The following CLBA1 variants were observed in gnomAD, a reference collection of about 807,000 sequenced individuals.
CLBA1 encodes uncharacterized protein CLBA1.
A neutral mutation model predicts 28.8 loss-of-function variants in CLBA1; 30 were observed. The observed-to-expected ratio is 1.04, with a 90% CI of 0.78 to 1.41. The LOEUF (loss-of-function observed/expected upper bound fraction) is 1.41, where lower values mean the gene tolerates loss of function less well. CLBA1 is among the 40% of genes most tolerant of loss of function. The pLI is 0.00. For missense variants in CLBA1, 451 were observed against 412.3 expected (o/e 1.09, Z -0.81); for synonymous variants, 160 against 152.8 (o/e 1.05, Z -0.35).
chr14:104,989,434 C>G lies in CLBA1; in HGVS notation c.569+346C>G, dbSNP rs888461673. Reference sequence around the variant, plus strand: ...TGGGCCTGGGCAGTGGGCACAGGGGCCTTCTGGGGGACTTGGCTGAGTGGG... The same window carrying G: ...TGGGCCTGGGCAGTGGGCACAGGGGGCTTCTGGGGGACTTGGCTGAGTGGG... On this transcript the variant is annotated intron_variant, in intron 2 of 4. Coordinates refer to ENST00000547315, the MANE Select transcript of CLBA1 (RefSeq NM_174891.4). 4 of 393,646 alleles carry G rather than the reference C, an allele frequency of 1.0e-5. No individual in the cohort carries two copies. The Admixed American group carries it at 1.2e-4, about 12-fold the overall frequency. The allele number at this position is 393,646 out of a possible 1,614,324, so 24.4% of individuals were successfully genotyped here.
At chr14:104,998,214 C>T (rs1900189227), downstream of CLBA1, among the ~76,000 whole-genome samples, 1 of 151,344 alleles carries the variant, frequency 6.6e-6, no homozygotes, top group African/African-American at 2.4e-5. Context: ...TGAGACCAGG[C>T]TGGGCAACAT....
Position 104,995,197 on chromosome 14 carries a change from T to G in CLBA1, c.*438T>G, listed in dbSNP as rs1900135825. On this transcript the variant is annotated 3_prime_UTR_variant, in exon 5 of 5. Transcript: ENST00000547315. Reference sequence around the variant, plus strand: ...CCAGAGAGACAGCTGTTGAGACCGCTCAGAAACCCTCTGTCTGTCACACTC... The same window carrying G: ...CCAGAGAGACAGCTGTTGAGACCGCGCAGAAACCCTCTGTCTGTCACACTC... 2 of 987,216 alleles carry G rather than the reference T, an allele frequency of 2.0e-6. No homozygotes were observed. Among genetic ancestry groups the G allele is most frequent in the Non-Finnish European group, 2.4e-6 (2 of 831,406 alleles). 61.2% of individuals were successfully genotyped at this position (987,216 alleles called of 1,614,324 possible).
Position 104,994,641 on chromosome 14 carries a change from G to T in CLBA1, c.860G>T (p.Cys287Phe), listed in dbSNP as rs773565948. ...PGSKQGRLMT[C>F]SRFLKTPSCG... ...AGCAAACAGGGGAGGCTGATGACAT[G>T]CAGCCGCTTCCTGAAGACCCCCTCA... The change falls in exon 5 of 5, where the codon TGC (cysteine) becomes TTC (phenylalanine). Residue 287 changes from cysteine to phenylalanine, a missense_variant. Physicochemically the swap from Cys to Phe is radical, Grantham distance 205. Transcript: ENST00000547315. 3 of 1,613,446 alleles carry T rather than the reference G, an allele frequency of 1.9e-6. No individual in the cohort carries two copies. Among genetic ancestry groups the T allele is most frequent in the Non-Finnish European group, 2.5e-6 (3 of 1,179,954 alleles).
downstream of CLBA1, among the ~76,000 whole-genome samples, chr14:104,997,055 A>G (rs1900168879): frequency 6.6e-6 from 1 of 152,254 alleles, no homozygotes; most frequent in African/African-American, 2.4e-5. Flanking sequence ...CAGTAGAAGC[A>G]GAGTCAGCCC....
chr14:104,991,332 C>T (rs1044034200), intron 2 of CLBA1, 159 bp from the exon 3 acceptor site: 21 of 778,634 alleles, frequency 2.7e-5, no homozygotes, highest in Non-Finnish European at 3.9e-5. Context: ...CCCGGGAACA[C>T]TGTTTTTAGA....
chr14:104,997,135 G>C (rs370763690), downstream of CLBA1, among the ~76,000 whole-genome samples: 13 of 152,174 alleles, frequency 8.5e-5, no homozygotes, highest in African/African-American at 3.1e-4. Context: ...TGGAAATGGC[G>C]GGTGACATTC....
intron 2 of CLBA1, 23 bp from the exon 3 acceptor site, chr14:104,991,468 T>C: frequency 6.2e-7 from 1 of 1,613,200 alleles, no homozygotes; most frequent in East Asian, 2.2e-5. Flanking sequence ...GGTCACCTTT[T>C]AACAAGTGCA....
intron 1 of CLBA1, among the ~76,000 whole-genome samples, chr14:104,987,637 T>TTTTTTG (rs1327414333): frequency 8.3e-6 from 1 of 120,482 alleles, no homozygotes; most frequent in South Asian, 2.7e-4. Flanking sequence ...TTTTTTTTTT[T>TTTTTTG]GAGACAGCCT....
At chr14:104,993,829 G>A in intron 4 of CLBA1, 1 of 985,478 alleles carries the variant, frequency 1.0e-6, no homozygotes, top group Non-Finnish European at 1.2e-6. Context: ...GGGCGGCTGT[G>A]AGCATGAAGA....
chr14:104,987,854 C>G (rs1417515236), intron 1 of CLBA1, among the ~76,000 whole-genome samples: 2 of 151,242 alleles, frequency 1.3e-5, no homozygotes, highest in Non-Finnish European at 2.9e-5. Flanking sequence ...CCAGGCTGGT[C>G]TTGAACTCCT....
chr14:104,989,852 GC>G, intron 2 of CLBA1: 1 of 394,166 alleles, frequency 2.5e-6, no homozygotes, highest in Non-Finnish European at 5.2e-6. Flanking sequence ...GTGTCTCTGA[GC>G]AGGCCTGGAC....
chr14:104,997,325 CAG>C (rs986466845), downstream of CLBA1, among the ~76,000 whole-genome samples: 2 of 152,134 alleles, frequency 1.3e-5, no homozygotes, highest in Non-Finnish European at 2.9e-5. Context: ...GATCCAAACA[CAG>C]AGAGGGGAGG....
chr14:104,996,519 G>A (rs778157879), downstream of CLBA1, among the ~76,000 whole-genome samples: 4 of 152,210 alleles, frequency 2.6e-5, no homozygotes, highest in Non-Finnish European at 5.9e-5. Flanking sequence ...CAGATATGCT[G>A]GGATTTTTGT....
chr14:104,992,801 A>C, intron 3 of CLBA1, 147 bp from the exon 4 acceptor site: 1 of 777,784 alleles, frequency 1.3e-6, no homozygotes, highest in African/African-American at 1.7e-5. Flanking sequence ...GCAGGGCGAC[A>C]CAGGGGAAAC....
downstream of CLBA1, chr14:104,995,612 GTC>G (rs1900143102): frequency 1.6e-6 from 1 of 626,594 alleles, no homozygotes; most frequent in Non-Finnish European, 2.0e-6. Context: ...CACCCTGGCT[GTC>G]TCTTTTCCTG....
Position 104,987,108 on chromosome 14 carries a change from G to A in CLBA1, c.423+254G>A, listed in dbSNP as rs996675703. On this transcript the variant is annotated intron_variant, in intron 1 of 4. Transcript: ENST00000547315. ...AGGTGGGGGCCACCTGAGCTGGGTC[G>A]CTCTTTCTGACCATTCCTCCCCCAG... Among the ~76,000 whole-genome samples the A allele has an allele frequency of 1.2e-4, 18 of 152,372 alleles. 1 individual carries two copies. The highest frequency in any genetic ancestry group is 3.1e-4 in the African/African-American group (13 of 41,592).
Position 104,993,056 on chromosome 14 carries a change from C to G in CLBA1, c.808C>G (p.Gln270Glu), listed in dbSNP as rs1337635529. The G allele has an allele frequency of 6.2e-7, 1 of 1,613,462 alleles. No individual in the cohort carries two copies. The highest frequency in any genetic ancestry group is 1.3e-5 in the African/African-American group (1 of 74,910). ...TCTCCAGCATTGCAAAGCCCTGATC[C>G]AGACCAAGGTGAGTGGTCACCAAGG... is the stretch of plus-strand genomic sequence containing the variant. ...FCLQHCKALI[Q>E]TKLSGPPGSK... The change falls in exon 4 of 5, where the codon CAG becomes GAG. Residue 270 changes from glutamine (Q) to glutamate (E), a missense_variant. Coordinates refer to ENST00000547315, the MANE Select transcript of CLBA1 (RefSeq NM_174891.4).
Position 104,986,992 on chromosome 14 carries a change from G to A in CLBA1, c.423+138G>A, listed in dbSNP as rs1433624316. ...AGCGTCTGCTTCTCTCCTGGCCTTC[G>A]TCCCTGGCCATGTGGTTGGCAGTCC... is the stretch of plus-strand genomic sequence containing the variant. On this transcript the variant is annotated intron_variant, in intron 1 of 4. Coordinates refer to ENST00000547315, the MANE Select transcript of CLBA1 (RefSeq NM_174891.4). 3.8e-6 allele frequency: 4 copies of A among 1,040,222 alleles called. No homozygotes were observed. In the South Asian group the frequency reaches 4.8e-5, roughly 12 times the overall value. 64.4% of individuals were successfully genotyped at this position (1,040,222 alleles called of 1,614,324 possible).
Position 104,986,334 on chromosome 14 carries a change from G to A in CLBA1, c.-98G>A. On this transcript the variant is annotated 5_prime_UTR_variant, in exon 1 of 5. Coordinates refer to ENST00000547315, the MANE Select transcript of CLBA1 (RefSeq NM_174891.4). The stretch of plus-strand genomic sequence containing the variant: ...GCAGCGTCCCCTGGCCCTCTCCAGG[G>A]CAGGGGAAGGTTGGGCAGTCCTGGG... 1 of 1,314,634 alleles carries A rather than the reference G, an allele frequency of 7.6e-7. No homozygotes were observed. The highest frequency in any genetic ancestry group is 2.3e-5 in the Admixed American group (1 of 44,026). 81.4% of individuals were successfully genotyped at this position (1,314,634 alleles called of 1,614,324 possible).
Sources: gnomAD v4.1 joint callset for allele counts (sites outside exome capture counted in the v4.1 genomes callset) on GRCh38, gnomAD v4.1.1 for gene constraint, MANE v1.5 for transcripts, NCBI Gene and HGNC (gene_info 2026-07-23, HGNC 2026-07-21) for gene names.